The following ZDHHC21 variants were observed in gnomAD, a reference collection of about 807,000 sequenced individuals.
The protein encoded by ZDHHC21 is palmitoyltransferase ZDHHC21.
In ZDHHC21, 15 loss-of-function variants were observed where a neutral mutation model predicts 34.6. The ratio of observed to expected loss-of-function variants is 0.43; its 90% CI spans 0.29 to 0.67. ZDHHC21 has a LOEUF of 0.67. ZDHHC21 is among the 30% of genes least tolerant of loss of function. ZDHHC21 has a pLI of 0.14. For synonymous variants in ZDHHC21, 142 were observed against 101.8 expected, an observed-to-expected ratio of 1.40 and a Z score of -2.38; for missense variants, 344 against 327.7, an observed-to-expected ratio of 1.05 and a Z score of -0.38.
chr9:14,649,247 G>A lies in ZDHHC21; in HGVS notation c.505-9235C>T, dbSNP rs574509281. Among the ~76,000 whole-genome samples the A allele has an allele frequency of 5.1e-4, 78 of 152,096 alleles. 1 individual carries two copies. The South Asian group carries it at 0.016, about 30-fold the overall frequency. On this transcript the variant is annotated intron_variant, in intron 7 of 9. Coordinates refer to ENST00000380916, the MANE Select transcript of ZDHHC21 (RefSeq NM_178566.6). The stretch of plus-strand genomic sequence containing the variant: ...TGTTAAAAGAATAGAAACACCTGGA[G>A]ACAGTAAAAATCATAAAATTAAAAA...
chr9:14,677,777 TATA>T (rs1448099180), intron 3 of ZDHHC21, among the ~76,000 whole-genome samples: 2 of 152,140 alleles, frequency 1.3e-5, no homozygotes, highest in East Asian at 3.8e-4. Flanking sequence ...AGTAAATATT[TATA>T]ATGTTCAACT....
chr9:14,690,316 A>G, intron 2 of ZDHHC21, 21 bp downstream of exon 2: 5 of 454,714 alleles, frequency 1.1e-5, no homozygotes, highest in South Asian at 1.6e-5. Context: ...CACTAACACC[A>G]TAAGAAAAAT....
chr9:14,655,953 A>G (rs925746412), intron 7 of ZDHHC21, among the ~76,000 whole-genome samples: 3 of 151,880 alleles, frequency 2.0e-5, no homozygotes, highest in Non-Finnish European at 4.4e-5. Context: ...AAAAAGATAT[A>G]CCATGAAAAC....
chr9:14,635,753 T>C (rs967121483), intron 8 of ZDHHC21, among the ~76,000 whole-genome samples: 2 of 152,058 alleles, frequency 1.3e-5, no homozygotes, highest in African/African-American at 4.8e-5. Context: ...AACCCACTCT[T>C]GGGTGGTTGA....
At chr9:14,681,119 A>AT (rs538908395) in intron 2 of ZDHHC21, among the ~76,000 whole-genome samples, 8 of 152,244 alleles carry the variant, frequency 5.3e-5, no homozygotes, top group Non-Finnish European at 8.8e-5. Flanking sequence ...AATAAATTTT[A>AT]TAACATTACT....
rs759832719 is a variant in ZDHHC21, at chr9:14,618,940, C to CCCATCTGTGCCCACCAT, written c.*9_*25dup. 1.5e-4 allele frequency: 236 copies of CCCATCTGTGCCCACCAT among 1,561,182 alleles called. No individual in the cohort carries two copies. The highest frequency in any genetic ancestry group is 1.8e-4 in the Non-Finnish European group (213 of 1,153,040). On this transcript the variant is annotated 3_prime_UTR_variant, in exon 10 of 10. Coordinates refer to ENST00000380916, the MANE Select transcript of ZDHHC21 (RefSeq NM_178566.6). ...TGTAACGCATTGCCAGCATGGAGGA[C>CCCATCTGTGCCCACCAT]CCATCTGTGCCCACCATCCATCTGT...
chr9:14,684,306 T>C lies in ZDHHC21; in HGVS notation c.-175-4144A>G, dbSNP rs951152414. The stretch of plus-strand genomic sequence containing the variant: ...ATGATTGTGTATTTAGAAAACCCCA[T>C]TGTCTCAGCCCAAAATCTCCTTAAG... On this transcript the variant is annotated intron_variant, in intron 2 of 9. Transcript: ENST00000380916. 5.5e-4 allele frequency among the ~76,000 whole-genome samples: 83 copies of C among 151,856 alleles called. 1 individual carries two copies. Among genetic ancestry groups the C allele is most frequent in the African/African-American group, 1.8e-3 (75 of 41,352 alleles).
chr9:14,668,773 T>C (rs904896583), intron 5 of ZDHHC21, among the ~76,000 whole-genome samples: 1 of 132,400 alleles, frequency 7.6e-6, no homozygotes, highest in Non-Finnish European at 1.6e-5. Context: ...ATTTAATAAA[T>C]GGTGCTGGGA....
At chr9:14,589,636 T>C in the ZDHHC21 span, 5 of 152,184 alleles carry the variant, frequency 3.3e-5, no homozygotes, top group African/African-American at 1.2e-4. Flanking sequence ...AAAAAAAAAT[T>C]ACTGCGAAAT....
At chr9:14,648,428 C>G (rs1249974254) in intron 7 of ZDHHC21, among the ~76,000 whole-genome samples, 1 of 152,002 alleles carries the variant, frequency 6.6e-6, no homozygotes, top group Non-Finnish European at 1.5e-5. Context: ...CAATCACAGC[C>G]CTTACTACTC....
At position 14,662,337 on chromosome 9, in the gene ZDHHC21, G is replaced by C. The variant is rs1833566261; in HGVS notation, c.254-11C>G. 6.3e-7 allele frequency: 1 copy of C among 1,592,576 alleles called. No homozygotes were observed. The highest frequency in any genetic ancestry group is 8.5e-7 in the Non-Finnish European group (1 of 1,169,988). ...CCCAGAACTCCCTTTCTAAAGAAAA[G>C]AAATTAAAATCCATTTAATGAAGGC... On this transcript the variant is annotated splice_polypyrimidine_tract_variant and intron_variant, in intron 5 of 9. Coordinates refer to ENST00000380916, the MANE Select transcript of ZDHHC21 (RefSeq NM_178566.6).
chr9:14,623,622 T>C (rs1195460636), intron 8 of ZDHHC21, among the ~76,000 whole-genome samples: 2 of 77,058 alleles, frequency 2.6e-5, no homozygotes, highest in South Asian at 3.5e-4. Context: ...CCAGAATACA[T>C]AAGGAACACA....
At chr9:14,630,538 G>A (rs952920061) in intron 8 of ZDHHC21, among the ~76,000 whole-genome samples, 3 of 152,098 alleles carry the variant, frequency 2.0e-5, no homozygotes, top group African/African-American at 7.2e-5. Flanking sequence ...CCCATAAATC[G>A]CAAATGTTCT....
rs1824070203 is a variant in ZDHHC21, at chr9:14,615,918, G to C, written c.*3048C>G. On this transcript the variant is annotated 3_prime_UTR_variant, in exon 10 of 10. Coordinates refer to ENST00000380916, the MANE Select transcript of ZDHHC21 (RefSeq NM_178566.6). Reference sequence around the variant, plus strand: ...TACATATTACATCAGTAATCTTACTGCTCACAATTATTTTCTAATGCCCAA... The same window carrying C: ...TACATATTACATCAGTAATCTTACTCCTCACAATTATTTTCTAATGCCCAA... The C allele has an allele frequency of 6.6e-6, 1 of 151,508 alleles. No homozygotes were observed. The allele number at this position is 151,508 out of a possible 1,614,324, so 9.4% of individuals were successfully genotyped here. A position where few individuals can be genotyped will look rare whatever the true frequency, so the allele number is the denominator to read the frequency against.
intron 3 of ZDHHC21, among the ~76,000 whole-genome samples, chr9:14,675,981 T>C (rs1427294416): frequency 1.3e-5 from 2 of 151,730 alleles, no homozygotes; most frequent in African/African-American, 2.4e-5. Context: ...CTGTGGAGAG[T>C]GAGTGCTAAG....
At chr9:14,635,799 T>G (rs986491501) in intron 8 of ZDHHC21, among the ~76,000 whole-genome samples, 2 of 152,118 alleles carry the variant, frequency 1.3e-5, no homozygotes, top group African/African-American at 4.8e-5. Flanking sequence ...AGGTGGAGGT[T>G]GCAGTGAGCC....
At chr9:14,679,037 T>C (rs1308930226) in intron 3 of ZDHHC21, among the ~76,000 whole-genome samples, 1 of 152,082 alleles carries the variant, frequency 6.6e-6, no homozygotes, top group East Asian at 1.9e-4. Context: ...TCTGTGGTGC[T>C]AACAAGCATG....
At chr9:14,606,575 C>T (rs1207766070), downstream of ZDHHC21, among the ~76,000 whole-genome samples, 2 of 152,118 alleles carry the variant, frequency 1.3e-5, no homozygotes, top group African/African-American at 4.8e-5. Context: ...GACAGAAAAG[C>T]TGCTGTGCCC....
intron 8 of ZDHHC21, among the ~76,000 whole-genome samples, chr9:14,636,350 T>C (rs879554068): frequency 8.5e-5 from 13 of 152,236 alleles, no homozygotes; most frequent in Middle Eastern, 6.8e-3. Flanking sequence ...ATCAATTCAG[T>C]AAGAAGATAT....
Sources: allele counts gnomAD v4.1 joint callset (sites outside exome capture counted in the v4.1 genomes callset), GRCh38; gene constraint gnomAD v4.1.1; transcripts MANE v1.5; gene names NCBI Gene and HGNC (gene_info 2026-07-23, HGNC 2026-07-21).